CYFIP2: variants seen among roughly 807,000 people sequenced by gnomAD.
The protein encoded by CYFIP2 is cytoplasmic FMR1 interacting protein 2, also known as cytoplasmic FMR1-interacting protein 2.
CYFIP2 carries 29 observed loss-of-function variants against 158.7 expected under a neutral mutation model. The observed-to-expected ratio is 0.18, with a 90% CI of 0.14 to 0.25. The LOEUF is 0.25. Among genes scored for constraint, CYFIP2 ranks in the 10% least tolerant of loss-of-function variants. CYFIP2 has a pLI of 1.00. For missense variants in CYFIP2, 852 were observed against 1,639.5 expected, an observed-to-expected ratio of 0.52 and a Z score of 8.29; for synonymous variants, 585 against 617.6, an observed-to-expected ratio of 0.95 and a Z score of 0.78.
chr5:157,319,666 T>G, intron 13 of CYFIP2, 96 bp from the exon 14 acceptor site: 1 of 1,479,906 alleles, frequency 6.8e-7, no homozygotes, highest in East Asian at 2.4e-5. Context: ...CCTCTGGACA[T>G]CTCACTCCCC....
At chr5:157,367,004 T>C (rs1764436660) in intron 26 of CYFIP2, among the ~76,000 whole-genome samples, 1 of 152,264 alleles carries the variant, frequency 6.6e-6, no homozygotes, top group African/African-American at 2.4e-5. Context: ...CTGCAAGGCC[T>C]CTTGCCTGGA....
At chr5:157,300,570 G>C (rs929998047) in intron 5 of CYFIP2, 145 bp from the exon 6 acceptor site, 2 of 599,968 alleles carry the variant, frequency 3.3e-6, no homozygotes, top group Admixed American at 4.1e-5. Context: ...AATTAGCTTC[G>C]GATTTAAGGA....
At chr5:157,330,262 G>GTGTA (rs1282938236) in intron 19 of CYFIP2, among the ~76,000 whole-genome samples, 7 of 151,630 alleles carry the variant, frequency 4.6e-5, no homozygotes, top group Non-Finnish European at 2.9e-5. Context: ...GTGTGTGTGT[G>GTGTA]TGTGTGTGTG....
At chr5:157,296,933 C>T (rs2113874948) in intron 5 of CYFIP2, among the ~76,000 whole-genome samples, 159 bp downstream of exon 5, 1 of 152,350 alleles carries the variant, frequency 6.6e-6, no homozygotes, top group East Asian at 1.9e-4. Context: ...GGATGAGTCT[C>T]CCCACCCTCG....
intron 30 of CYFIP2, 43 bp from the exon 31 acceptor site, chr5:157,392,790 C>A: frequency 2.5e-6 from 4 of 1,601,550 alleles, no homozygotes; most frequent in Non-Finnish European, 2.6e-6. Flanking sequence ...TTTCCACCCC[C>A]ACTTTGTCCT....
chr5:157,287,753 T>G (rs1446272764), intron 3 of CYFIP2, among the ~76,000 whole-genome samples: 1 of 152,184 alleles, frequency 6.6e-6, no homozygotes, highest in Non-Finnish European at 1.5e-5. Flanking sequence ...TTAGCTCGTT[T>G]TGTGATGCTA....
At chr5:157,330,650 G>A in intron 19 of CYFIP2, 92 bp from the exon 20 acceptor site, 3 of 949,642 alleles carry the variant, frequency 3.2e-6, no homozygotes, top group Non-Finnish European at 5.0e-6. Flanking sequence ...TGCTCTGTGG[G>A]TAGATCCTAT....
intron 21 of CYFIP2, among the ~76,000 whole-genome samples, chr5:157,334,871 AG>A (rs1761738147): frequency 6.6e-6 from 1 of 152,194 alleles, no homozygotes; most frequent in East Asian, 1.9e-4. Flanking sequence ...ACCTGAATAA[AG>A]CCTGTCATTC....
chr5:157,322,255 C>G (rs554307895), intron 15 of CYFIP2, among the ~76,000 whole-genome samples: 2 of 152,156 alleles, frequency 1.3e-5, no homozygotes, highest in Non-Finnish European at 2.9e-5. Context: ...GTCCAAGTCA[C>G]AAGGTGAGTC....
At position 157,389,353 on chromosome 5, in the gene CYFIP2, G is replaced by A; in HGVS notation, c.3372G>A (p.Val1124=). The A allele has an allele frequency of 1.2e-6, 2 of 1,613,852 alleles. No homozygotes were observed. The highest frequency in any genetic ancestry group is 1.7e-6 in the Non-Finnish European group (2 of 1,179,780). The change falls in exon 29 of 31, where the codon GTG becomes GTA. Residue 1124 remains valine, a synonymous_variant. Transcript: ENST00000620254. The stretch of plus-strand genomic sequence containing the variant: ...GCGTCATGCACGTCGATGAGTGTGT[G>A]GAGTTCCACCGGCTGTGGAGCGCCA... The part of the protein sequence containing the change: ...TNGVMHVDEC[V]EFHRLWSAMQ...
chr5:157,393,013 G>A lies in CYFIP2; in HGVS notation c.*13G>A. 1 of 1,613,078 alleles carries A rather than the reference G, an allele frequency of 6.2e-7. No homozygotes were observed. The highest frequency in any genetic ancestry group is 1.1e-5 in the South Asian group (1 of 90,954). On this transcript the variant is annotated 3_prime_UTR_variant, in exon 31 of 31. Coordinates refer to ENST00000620254, the MANE Select transcript of CYFIP2 (RefSeq NM_001037333.3). ...CACCACTTGCTAAGCAGAAGATCCT[G>A]CAGACCCTTATCTGGAGGAGGAAGA...
chr5:157,332,395 A>G (rs1761532214), intron 20 of CYFIP2, among the ~76,000 whole-genome samples: 1 of 152,236 alleles, frequency 6.6e-6, no homozygotes, highest in Admixed American at 6.5e-5. Flanking sequence ...ATGAATATAC[A>G]TACTTTTGTT....
At chr5:157,323,842 T>A in intron 15 of CYFIP2, 79 bp from the exon 16 acceptor site, 3 of 1,381,328 alleles carry the variant, frequency 2.2e-6, no homozygotes, top group South Asian at 1.7e-5. Flanking sequence ...AAAAAATACA[T>A]AAATACAACA....
At chr5:157,326,889 G>A (rs1178751239) in intron 18 of CYFIP2, among the ~76,000 whole-genome samples, 2 of 152,242 alleles carry the variant, frequency 1.3e-5, no homozygotes, top group Non-Finnish European at 2.9e-5. Flanking sequence ...CACGTAGGGT[G>A]TGAGATGAAA....
At chr5:157,345,750 G>A (rs530766492) in intron 23 of CYFIP2, 14 of 152,700 alleles carry the variant, frequency 9.2e-5, no homozygotes, top group African/African-American at 2.6e-4. Context: ...GCATCTGTAC[G>A]CACGATGCTT....
intron 20 of CYFIP2, 41 bp downstream of exon 20, chr5:157,330,891 G>A (rs1761404732): frequency 2.7e-6 from 4 of 1,480,832 alleles, no homozygotes; most frequent in Admixed American, 1.7e-5. Context: ...GAAGGGGCAG[G>A]AGAGAGCAGC....
chr5:157,283,156 A>C (rs1757120942), intron 1 of CYFIP2, among the ~76,000 whole-genome samples: 1 of 152,186 alleles, frequency 6.6e-6, no homozygotes. Context: ...CCAGCACTTG[A>C]TCCTATGAAA....
At chr5:157,282,325 C>T (rs1204791655) in intron 1 of CYFIP2, among the ~76,000 whole-genome samples, 3 of 152,102 alleles carry the variant, frequency 2.0e-5, no homozygotes, top group Non-Finnish European at 1.5e-5. Flanking sequence ...GTGCCACACA[C>T]TTTTAAAATG....
intron 1 of CYFIP2, among the ~76,000 whole-genome samples, chr5:157,283,005 G>T (rs1339346692): frequency 6.6e-6 from 1 of 152,208 alleles, no homozygotes; most frequent in African/African-American, 2.4e-5. Flanking sequence ...TAGCGTAGAG[G>T]TTGGTATGAA....
Sources: gnomAD v4.1 joint callset for allele counts (sites outside exome capture counted in the v4.1 genomes callset) on GRCh38, gnomAD v4.1.1 for gene constraint, MANE v1.5 for transcripts, NCBI Gene and HGNC (gene_info 2026-07-23, HGNC 2026-07-21) for gene names.